The following PAK5 variants were observed in gnomAD, a reference collection of about 807,000 sequenced individuals.
The protein encoded by PAK5 is p21 (RAC1) activated kinase 5, also known as serine/threonine-protein kinase PAK 5.
PAK5 carries 16 observed loss-of-function variants against 65.9 expected under a neutral mutation model. The observed-to-expected ratio is 0.24, with a 90% CI of 0.16 to 0.37. PAK5 has a LOEUF of 0.37. PAK5 is among the 10% of genes least tolerant of loss of function. The pLI is 1.00. For synonymous variants in PAK5, 371 were observed against 354.9 expected (o/e 1.05, Z -0.51); for missense variants, 785 against 903.9 (o/e 0.87, Z 1.69).
At chr20:9,673,919 AG>A (rs1318632950) in intron 2 of PAK5, among the ~76,000 whole-genome samples, 1 of 152,216 alleles carries the variant, frequency 6.6e-6, no homozygotes, top group Non-Finnish European at 1.5e-5. Context: ...CTGCCCAATA[AG>A]GAGCTTAAAA....
chr20:9,699,557 T>A (rs1175186183), intron 2 of PAK5, among the ~76,000 whole-genome samples: 1 of 18,030 alleles, frequency 5.5e-5, no homozygotes, highest in Admixed American at 8.6e-4. Context: ...CTTCTTGTTT[T>A]TTTTTTTTTT....
At chr20:9,678,269 A>G (rs1192830622) in intron 2 of PAK5, among the ~76,000 whole-genome samples, 1 of 152,152 alleles carries the variant, frequency 6.6e-6, no homozygotes, top group Non-Finnish European at 1.5e-5. Context: ...TCATACTGCT[A>G]ATAAAGACAT....
chr20:9,570,621 G>T (rs2045764434), intron 4 of PAK5, among the ~76,000 whole-genome samples: 1 of 142,042 alleles, frequency 7.0e-6, no homozygotes, highest in Non-Finnish European at 1.5e-5. Flanking sequence ...TAGTCAGCAA[G>T]GCCAGGGTGT....
intron 3 of PAK5, among the ~76,000 whole-genome samples, chr20:9,626,305 G>C (rs2046842727): frequency 6.6e-6 from 1 of 152,100 alleles, no homozygotes; most frequent in African/African-American, 2.4e-5. Flanking sequence ...CTGTCAAAAG[G>C]AAACTAAGTT....
chr20:9,703,985 C>A (rs2047973402), intron 2 of PAK5, among the ~76,000 whole-genome samples: 1 of 152,148 alleles, frequency 6.6e-6, no homozygotes, highest in Non-Finnish European at 1.5e-5. Context: ...GCAAGGAAAG[C>A]TGTTCTTCTC....
Position 9,566,329 on chromosome 20 carries a change from G to A in PAK5, c.1046C>T (p.Thr349Ile), listed in dbSNP as rs1166238579. 6.2e-7 allele frequency: 1 copy of A among 1,613,486 alleles called. No homozygotes were observed. Among genetic ancestry groups the A allele is most frequent in the Non-Finnish European group, 8.5e-7 (1 of 1,179,648 alleles). ...TAGTTTGGCAGGGCCCCTGGGGTAG[G>A]TGTCAGACCCTGACAGTGGAGGGCT... ...VLSPPLSGSD[T>I]YPRGPAKLPQ... is the part of the protein sequence containing the mutation. Residue 349 changes from threonine to isoleucine, a missense_variant, in exon 5 of 10, where the codon ACC becomes ATC. Around this residue, in one of 4 missense-constraint regions of PAK5, gnomAD observed 422 missense variants for 413.3 expected, o/e 1.02. Transcript: ENST00000353224.
intron 3 of PAK5, among the ~76,000 whole-genome samples, chr20:9,595,839 C>T (rs2046253894): frequency 6.6e-6 from 1 of 152,052 alleles, no homozygotes; most frequent in African/African-American, 2.4e-5. Flanking sequence ...TTCTGCTTTT[C>T]CCACTCCCCT....
intron 3 of PAK5, among the ~76,000 whole-genome samples, chr20:9,626,740 G>GCCA (rs1227494032): frequency 1.2e-3 from 177 of 152,082 alleles, no homozygotes; most frequent in African/African-American, 3.9e-3. Flanking sequence ...CTTACAGTTT[G>GCCA]GACTGAATTA....
At chr20:9,555,039 A>T (rs1039783206) in intron 7 of PAK5, among the ~76,000 whole-genome samples, 1 of 151,814 alleles carries the variant, frequency 6.6e-6, no homozygotes, top group Non-Finnish European at 1.5e-5. Flanking sequence ...AGTATTTATC[A>T]CCCCTTGTTT....
chr20:9,663,569 G>A (rs1165383694), intron 2 of PAK5, among the ~76,000 whole-genome samples: 1 of 152,154 alleles, frequency 6.6e-6, no homozygotes, highest in Non-Finnish European at 1.5e-5. Flanking sequence ...TTTTAAAATG[G>A]AAAGGGGCTT....
At chr20:9,611,387 A>G (rs112457618) in intron 3 of PAK5, among the ~76,000 whole-genome samples, 4 of 152,162 alleles carry the variant, frequency 2.6e-5, no homozygotes, top group African/African-American at 9.6e-5. Flanking sequence ...CGGCCTTATT[A>G]TCAGAGAAGA....
rs1004750332 is a variant in PAK5 at position 9,677,505 on chromosome 20, A to C, written c.-11-33166T>G. ...GGGTGTGACCACACTTAAGTTTAGA[A>C]AAAAATGTTGATTCCAGCAACCCCT... On this transcript the variant is annotated intron_variant, in intron 2 of 9. Transcript: ENST00000353224. Among the ~76,000 whole-genome samples, 4 of 152,308 alleles carry C rather than the reference A, an allele frequency of 2.6e-5. No homozygotes were observed. The South Asian group carries it at 8.3e-4, about 32-fold the overall frequency.
intron 2 of PAK5, among the ~76,000 whole-genome samples, chr20:9,649,623 A>T (rs1284257670): frequency 6.6e-6 from 1 of 152,186 alleles, no homozygotes; most frequent in Non-Finnish European, 1.5e-5. Flanking sequence ...ACATGCAGGC[A>T]TCTCCCAATT....
At chr20:9,737,505 A>G (rs931312857) in intron 1 of PAK5, among the ~76,000 whole-genome samples, 3 of 152,192 alleles carry the variant, frequency 2.0e-5, no homozygotes, top group African/African-American at 7.2e-5. Context: ...AAGCTGACAG[A>G]ACTACAAGGA....
At chr20:9,774,678 G>T (rs1477209138) in intron 1 of PAK5, among the ~76,000 whole-genome samples, 3 of 152,012 alleles carry the variant, frequency 2.0e-5, no homozygotes, top group African/African-American at 4.8e-5. Context: ...AAGCAAAAAA[G>T]AACTACTCAC....
intron 8 of PAK5, among the ~76,000 whole-genome samples, chr20:9,544,126 C>A (rs2045308077): frequency 6.6e-6 from 1 of 152,178 alleles, no homozygotes; most frequent in South Asian, 2.1e-4. Context: ...GACTTTCCCA[C>A]AGTGTCCACT....
intron 1 of PAK5, among the ~76,000 whole-genome samples, chr20:9,818,024 G>A (rs1391525599): frequency 2.0e-5 from 3 of 152,086 alleles, no homozygotes; most frequent in African/African-American, 7.2e-5. Flanking sequence ...AATCAAAGAA[G>A]GATTTTTTAA....
In PAK5 at chr20:9,543,460, A is replaced by G. The variant is rs149738459; in HGVS notation, c.1870-740T>C. Reference sequence around the variant, plus strand: ...ATCTGATGAACGTATTGCTATTATTACCCCTTGCAGTGACCTTCACCGAGA... The same window carrying G: ...ATCTGATGAACGTATTGCTATTATTGCCCCTTGCAGTGACCTTCACCGAGA... On this transcript the variant is annotated intron_variant, in intron 8 of 9. Transcript: ENST00000353224. Among the ~76,000 whole-genome samples, 862 of 152,002 alleles carry G rather than the reference A, an allele frequency of 5.7e-3. 6 individuals are homozygous for G. Among genetic ancestry groups the G allele is most frequent in the African/African-American group, 0.02 (810 of 41,446 alleles).
intron 1 of PAK5, among the ~76,000 whole-genome samples, chr20:9,808,578 T>C (rs2049260152): frequency 6.6e-6 from 1 of 152,176 alleles, no homozygotes; most frequent in African/African-American, 2.4e-5. Context: ...TGCTAGAACA[T>C]GGATGAACCT....
Sources: allele counts gnomAD v4.1 joint callset (sites outside exome capture counted in the v4.1 genomes callset), GRCh38; gene constraint gnomAD v4.1.1; regional missense constraint gnomAD v4.1.1; transcripts MANE v1.5; gene names NCBI Gene and HGNC (gene_info 2026-07-23, HGNC 2026-07-21).